Variants in NBAS observed in about 807,000 individuals in gnomAD.
NBAS encodes NBAS subunit of NRZ tethering complex.
In NBAS, 219 loss-of-function variants were observed where a neutral mutation model predicts 302.5. The observed-to-expected ratio is 0.72, with a 90% confidence interval of 0.65 to 0.81. The LOEUF is 0.81. Among genes scored for constraint, NBAS ranks in the 30% least tolerant of loss-of-function variants. The pLI, the probability that NBAS is intolerant of heterozygous loss-of-function variation, is 0.00. For missense variants in NBAS, 2,932 were observed against 2,841.6 expected (o/e 1.03, Z -0.72); for synonymous variants, 1,118 against 1,021.6 (o/e 1.09, Z -1.80).
At position 15,561,262 on chromosome 2, in the gene NBAS, C is replaced by T. The variant is rs556117170; in HGVS notation, c.43G>A (p.Ala15Thr). The T allele has an allele frequency of 1.9e-6, 3 of 1,613,958 alleles. No individual in the cohort carries two copies. The highest frequency in any genetic ancestry group is 2.2e-5 in the East Asian group (1 of 44,862). The change falls in exon 1 of 52, where the codon GCA becomes ACA. Residue 15 changes from alanine to threonine, a missense_variant. Transcript: ENST00000281513. Reference protein sequence around the residue: ...ESGPALSPGTAEGEEETILYD... With the variant: ...ESGPALSPGTTEGEEETILYD... ...AGAATCGTCTCCTCCTCACCCTCTG[C>T]AGTGCCTGGACTCAAAGCCGGCCCT... is the stretch of plus-strand genomic sequence containing the variant.
At position 15,559,062 on chromosome 2, in the gene NBAS, C is replaced by CAAAAAAAAAAAA. The variant is rs70961421; in HGVS notation, c.118-440_118-429dup. ...TGGGTGACAGAGTGAGACCCTGCCTCAAAAAAAAAAAAAAAAAAAAAAAAA... is the reference window on the plus strand; with the variant it reads ...TGGGTGACAGAGTGAGACCCTGCCTCAAAAAAAAAAAAAAAAAAAAAAAAAAAAAAAAAAAAA... On this transcript the variant is annotated intron_variant, in intron 1 of 51. Coordinates refer to ENST00000281513, the MANE Select transcript of NBAS (RefSeq NM_015909.4). Among the ~76,000 whole-genome samples the CAAAAAAAAAAAA allele has an allele frequency of 5.2e-4, 26 of 50,418 alleles. 3 individuals carry two copies. Among genetic ancestry groups the CAAAAAAAAAAAA allele is most frequent in the South Asian group, 9.8e-4 (1 of 1,016 alleles). 33.1% of individuals were successfully genotyped at this position (50,418 alleles called of 152,430 possible). A position where few individuals can be genotyped will look rare whatever the true frequency, so the allele number is the denominator to read the frequency against.
chr2:15,205,317 C>A (rs7606594), intron 48 of NBAS, among the ~76,000 whole-genome samples: 42,772 of 151,348 alleles, frequency 0.28, 7,291 homozygotes, highest in East Asian at 0.67. Flanking sequence ...CTTCACTAAA[C>A]GGAAGACAGG....
At chr2:14,953,665 GCTCCGTGT>G in the NBAS span, among the ~76,000 whole-genome samples, 1 of 152,114 alleles carries the variant, frequency 6.6e-6, no homozygotes, top group Non-Finnish European at 1.5e-5. Flanking sequence ...TTTTCCAGGG[GCTCCGTGT>G]CCAGACTTTC....
At chr2:14,819,683 G>A in the NBAS span, among the ~76,000 whole-genome samples, 3 of 152,140 alleles carry the variant, frequency 2.0e-5, no homozygotes, top group Admixed American at 1.3e-4. Context: ...AAGTTTAAAA[G>A]CTTCTACACA....
chr2:15,478,196 G>T, intron 13 of NBAS, 30 bp downstream of exon 13: 2 of 1,429,790 alleles, frequency 1.4e-6, no homozygotes, highest in Admixed American at 1.7e-5. Context: ...GTATATTAAG[G>T]TTTCAATTAT....
the NBAS span, among the ~76,000 whole-genome samples, chr2:14,784,125 A>T: frequency 2.0e-5 from 3 of 152,098 alleles, no homozygotes; most frequent in African/African-American, 4.8e-5. Flanking sequence ...TCTTCTTTTG[A>T]GAAGTGTCTG....
At chr2:15,099,926 T>G in the NBAS span, among the ~76,000 whole-genome samples, 18 of 152,300 alleles carry the variant, frequency 1.2e-4, no homozygotes, top group East Asian at 3.1e-3. Context: ...CACAAAAATT[T>G]CAGTGGGGAA....
chr2:15,309,071 G>A lies in NBAS; in HGVS notation c.4659+100C>T, dbSNP rs964626624. 2.6e-5 allele frequency: 17 copies of A among 664,094 alleles called. No homozygotes were observed. In the African/African-American group the frequency reaches 3.2e-4, roughly 12 times the overall value. The allele number at this position is 664,094 out of a possible 1,614,324, so 41.1% of individuals were successfully genotyped here. ...TAAATAAAAGAAAAAAAAGAAACAG[G>A]AGGAAATGGCATGCAATAAACAATT... On this transcript the variant is annotated intron_variant, in intron 39 of 51. Coordinates refer to ENST00000281513, the MANE Select transcript of NBAS (RefSeq NM_015909.4).
intron 38 of NBAS, among the ~76,000 whole-genome samples, chr2:15,324,685 T>C (rs1671982427): frequency 6.6e-6 from 1 of 152,184 alleles, no homozygotes; most frequent in African/African-American, 2.4e-5. Flanking sequence ...TCCTACTTTA[T>C]ATTCTAAGTT....
chr2:15,069,843 G>A, the NBAS span, among the ~76,000 whole-genome samples: 7 of 152,316 alleles, frequency 4.6e-5, no homozygotes, highest in South Asian at 4.1e-4. Context: ...TAAAAAATGC[G>A]AGTAGATCAG....
intron 42 of NBAS, among the ~76,000 whole-genome samples, chr2:15,278,877 G>A (rs1669705772): frequency 6.6e-6 from 1 of 152,164 alleles, no homozygotes; most frequent in Admixed American, 6.5e-5. Context: ...GCAGGAAGGA[G>A]TGAAGCAGAA....
intron 6 of NBAS, among the ~76,000 whole-genome samples, chr2:15,543,493 A>G (rs968827049): frequency 7.2e-5 from 11 of 152,206 alleles, no homozygotes; most frequent in African/African-American, 2.4e-4. Flanking sequence ...TTGATAAGAC[A>G]TATCTGAGAC....
the NBAS span, among the ~76,000 whole-genome samples, chr2:14,901,718 C>A: frequency 3.3e-5 from 5 of 152,100 alleles, no homozygotes; most frequent in South Asian, 2.1e-4. Flanking sequence ...ATTCATTAAA[C>A]TTAATTCATC....
intron 35 of NBAS, among the ~76,000 whole-genome samples, chr2:15,336,487 A>C (rs1672592394): frequency 6.6e-6 from 1 of 152,042 alleles, no homozygotes; most frequent in African/African-American, 2.4e-5. Flanking sequence ...TAATCCCAGC[A>C]CTTTGGGAGG....
the NBAS span, among the ~76,000 whole-genome samples, chr2:14,999,073 C>G: frequency 1.3e-5 from 2 of 152,274 alleles, no homozygotes; most frequent in South Asian, 4.2e-4. Context: ...CTTCACCTTC[C>G]TGGGCCTCTA....
chr2:14,854,914 T>C, the NBAS span, among the ~76,000 whole-genome samples: 1 of 152,150 alleles, frequency 6.6e-6, no homozygotes, highest in African/African-American at 2.4e-5. Context: ...TAGGGGTACA[T>C]GCAACATACT....
At chr2:15,314,101 C>T (rs916509036) in intron 38 of NBAS, among the ~76,000 whole-genome samples, 2 of 152,162 alleles carry the variant, frequency 1.3e-5, no homozygotes, top group African/African-American at 4.8e-5. Flanking sequence ...TGCCTGTAAT[C>T]CCAGCACTTT....
intron 43 of NBAS, 143 bp downstream of exon 43, chr2:15,276,708 A>T (rs1669597109): frequency 8.1e-7 from 1 of 1,228,652 alleles, no homozygotes; most frequent in Admixed American, 2.1e-5. Flanking sequence ...AGTTGGAAAG[A>T]TAATAACTAA....
At chr2:15,416,518 G>A (rs73200614) in intron 24 of NBAS, among the ~76,000 whole-genome samples, 2,273 of 152,202 alleles carry the variant, frequency 0.015, 59 homozygotes, top group African/African-American at 0.052. Flanking sequence ...ACAAAAGGAA[G>A]ATAAGCCAGG....
Sources: allele counts gnomAD v4.1 joint callset (sites outside exome capture counted in the v4.1 genomes callset), GRCh38; gene constraint gnomAD v4.1.1; transcripts MANE v1.5; gene names NCBI Gene and HGNC (gene_info 2026-07-23, HGNC 2026-07-21).